Variants in CD276 observed in about 807,000 individuals in gnomAD.
The protein encoded by CD276 is CD276 antigen.
In CD276, 34 loss-of-function variants were observed where a neutral mutation model predicts 50.0. The ratio of observed to expected loss-of-function variants is 0.68; its 90% CI spans 0.52 to 0.91. The LOEUF (loss-of-function observed/expected upper bound fraction) is 0.91, where lower values mean the gene tolerates loss of function less well. Among genes scored for constraint, CD276 ranks in the 40% least tolerant of loss-of-function variants. The pLI, the probability that CD276 is intolerant of heterozygous loss-of-function variation, is 0.00. For missense variants in CD276, 634 were observed against 717.5 expected (o/e 0.88, Z 1.33); for synonymous variants, 275 against 313.0 (o/e 0.88, Z 1.28).
rs370507291 is a variant in CD276, at chr15:73,702,327, C to T, written c.152C>T (p.Ser51Phe). Residue 51 changes from serine (S) to phenylalanine (F), a missense_variant, in exon 3 of 10, where the codon TCC (serine) becomes TTC (phenylalanine). Ser to Phe is a radical substitution (Grantham distance 155). Transcript: ENST00000318443. Reference protein sequence around the residue: ...LVGTDATLCCSFSPEPGFSLA... With the variant: ...LVGTDATLCCFFSPEPGFSLA... ...GGCACCGATGCCACCCTGTGCTGCT[C>T]CTTCTCCCCTGAGCCTGGCTTCAGC... 53 of 1,613,528 alleles carry T rather than the reference C, an allele frequency of 3.3e-5. No individual in the cohort carries two copies. The highest frequency in any genetic ancestry group is 2.5e-4 in the African/African-American group (19 of 75,058).
At chr15:73,690,314 G>T (rs138596346) in intron 1 of CD276, among the ~76,000 whole-genome samples, 1 of 152,208 alleles carries the variant, frequency 6.6e-6, no homozygotes, top group African/African-American at 2.4e-5. Flanking sequence ...CAGACTGGGT[G>T]CAATGAATGA....
Position 73,702,637 on chromosome 15 carries a change from A to G in CD276, c.418+44A>G, listed in dbSNP as rs373130843. On this transcript the variant is annotated intron_variant, in intron 3 of 9. Transcript: ENST00000318443. The stretch of plus-strand genomic sequence containing the variant: ...ACGCCTTCCCCTTAGTTCACCCTCC[A>G]TTCCCCCTGCAGCCCACCCCCTGCT... 6 of 1,575,356 alleles carry G rather than the reference A, an allele frequency of 3.8e-6. No individual in the cohort carries two copies. The African/African-American group carries it at 6.7e-5, about 18-fold the overall frequency.
Position 73,708,320 on chromosome 15 carries a change from T to C in CD276, c.1370-19T>C. On this transcript the variant is annotated intron_variant, in intron 6 of 9. Transcript: ENST00000318443. Reference sequence around the variant, plus strand: ...GGGGCCAGGCATGACAGTCTCACTGTTGCTACTTTTCCTCTCAGGGCAGCC... The same window carrying C: ...GGGGCCAGGCATGACAGTCTCACTGCTGCTACTTTTCCTCTCAGGGCAGCC... 1 of 1,612,842 alleles carries C rather than the reference T, an allele frequency of 6.2e-7. No individual in the cohort carries two copies. Among genetic ancestry groups the C allele is most frequent in the Non-Finnish European group, 8.5e-7 (1 of 1,179,478 alleles).
intron 9 of CD276, chr15:73,711,793 A>C (rs1900913437): frequency 6.5e-6 from 1 of 152,804 alleles, no homozygotes; most frequent in African/African-American, 2.4e-5. Context: ...AATACAGGAG[A>C]TAGGTCATTT....
intron 1 of CD276, among the ~76,000 whole-genome samples, chr15:73,688,339 C>A (rs551476947): frequency 6.6e-6 from 1 of 152,226 alleles, no homozygotes; most frequent in South Asian, 2.1e-4. Context: ...GTACTGGGCA[C>A]TTTCCTAAGT....
chr15:73,684,797 C>G (rs1196860814), intron 1 of CD276: 2 of 152,404 alleles, frequency 1.3e-5, no homozygotes, highest in Non-Finnish European at 2.9e-5. Flanking sequence ...CGGACCGGGC[C>G]GGGTGGGTGA....
rs1196395901 is a variant in CD276 at position 73,704,115 on chromosome 15, T to C, written c.1073-61T>C. The C allele has an allele frequency of 2.5e-6, 4 of 1,579,828 alleles. No individual in the cohort carries two copies. Among genetic ancestry groups the C allele is most frequent in the South Asian group, 1.2e-5 (1 of 86,016 alleles). On this transcript the variant is annotated intron_variant, in intron 5 of 9. Transcript: ENST00000318443. This position sits in a 1 kb window ranked among gnomAD's most constrained non-coding sequence, Gnocchi z 4.1. ...GTGCTGATTCCTGTACTCAGCCCCATGCATCCTTTTCCTCCCCTGCCATTG... is the reference window on the plus strand; with the variant it reads ...GTGCTGATTCCTGTACTCAGCCCCACGCATCCTTTTCCTCCCCTGCCATTG...
At position 73,708,385 on chromosome 15, in the gene CD276, GC is replaced by G. The variant is rs1567022980; in HGVS notation, c.1417del (p.Leu473CysfsTer48). 1 of 1,614,174 alleles carries G rather than the reference GC, an allele frequency of 6.2e-7. No homozygotes were observed. The highest frequency in any genetic ancestry group is 1.1e-5 in the South Asian group (1 of 91,086). ...PPEALWVTVG[L>X]SVCLIALLVA... ...CAGAGGCCCTGTGGGTGACCGTGGG[GC>G]TGTCTGTCTGTCTCATTGCACTGCT... On this transcript the variant is annotated frameshift_variant, in exon 7 of 10. Transcript: ENST00000318443. LOFTEE classifies it high-confidence loss of function.
intron 8 of CD276, 139 bp downstream of exon 8, chr15:73,709,828 C>A: frequency 1.3e-6 from 1 of 754,972 alleles, no homozygotes; most frequent in Non-Finnish European, 2.1e-6. Context: ...ACCTCCCCAC[C>A]CCGGTGAGTC....
Position 73,708,385 on chromosome 15 carries a change from GCTGT to G in CD276, c.1427_1430del (p.Cys476SerfsTer44), listed in dbSNP as rs568647279. 9.4e-5 allele frequency: 152 copies of G among 1,614,174 alleles called. No homozygotes were observed. The highest frequency in any genetic ancestry group is 4.2e-4 in the Admixed American group (25 of 60,032). ...CAGAGGCCCTGTGGGTGACCGTGGG[GCTGT>G]CTGTCTGTCTCATTGCACTGCTGGT... On this transcript the variant is annotated frameshift_variant, in exon 7 of 10. Transcript: ENST00000318443. LOFTEE classifies it high-confidence loss of function.
rs1326617546 is a variant in CD276 at position 73,704,597 on chromosome 15, G to A, written c.1369+125G>A. 4.7e-6 allele frequency: 6 copies of A among 1,267,280 alleles called. No homozygotes were observed. The East Asian group carries it at 1.0e-4, about 21-fold the overall frequency. The allele number at this position is 1,267,280 out of a possible 1,614,324, so 78.5% of individuals were successfully genotyped here. On this transcript the variant is annotated intron_variant, in intron 6 of 9. Transcript: ENST00000318443. The surrounding 1 kb of genome is among the most constrained non-coding windows in gnomAD (Gnocchi z 4.1). ...TTCAAAATCCCTTTCATAGACTTCAGGTGCTCACACTCTTCCCCACAAGTC... is the reference window on the plus strand; with the variant it reads ...TTCAAAATCCCTTTCATAGACTTCAAGTGCTCACACTCTTCCCCACAAGTC...
chr15:73,684,488 C>T (rs1005721181), intron 1 of CD276, 28 bp downstream of exon 1: 2 of 153,080 alleles, frequency 1.3e-5, no homozygotes, highest in African/African-American at 2.4e-5. Context: ...GCGGGCGGCG[C>T]GGGGTGGGGC....
intron 7 of CD276, 149 bp from the exon 8 acceptor site, chr15:73,709,499 G>T: frequency 1.3e-6 from 1 of 749,270 alleles, no homozygotes; most frequent in Non-Finnish European, 2.3e-6. Flanking sequence ...CTCTGCTCTC[G>T]GGCTCTAACC....
chr15:73,699,644 T>G lies in CD276; in HGVS notation c.5T>G (p.Leu2Arg). 1.9e-6 allele frequency: 3 copies of G among 1,613,844 alleles called. No homozygotes were observed. The highest frequency in any genetic ancestry group is 3.3e-5 in the Admixed American group (2 of 59,998). ...TGTCAGCCGCCTCACAGGAAGATGC[T>G]GCGTCGGCGGGGCAGCCCTGGCATG... M[L>R]RRRGSPGMGV... The change falls in exon 2 of 10, where the codon CTG becomes CGG. Residue 2 changes from leucine to arginine, a missense_variant. Physicochemically the swap from Leu to Arg is moderately radical, Grantham distance 102. Coordinates refer to ENST00000318443, the MANE Select transcript of CD276 (RefSeq NM_001024736.2).
chr15:73,709,612 A>G, intron 7 of CD276, 36 bp from the exon 8 acceptor site: 1 of 1,611,180 alleles, frequency 6.2e-7, no homozygotes, highest in Non-Finnish European at 8.5e-7. Context: ...GGGCTTGCAA[A>G]AGATTTTTGT....
chr15:73,708,125 C>T (rs77855866), intron 6 of CD276, among the ~76,000 whole-genome samples: 3,633 of 152,278 alleles, frequency 0.024, 157 homozygotes, highest in African/African-American at 0.083. Flanking sequence ...GCTCTTCAGC[C>T]CTTCCTGGTT....
chr15:73,698,285 A>G (rs1010281329), intron 1 of CD276, among the ~76,000 whole-genome samples: 18 of 152,172 alleles, frequency 1.2e-4, no homozygotes, highest in African/African-American at 4.1e-4. Context: ...TCCCACACTC[A>G]TACACCTAGT....
chr15:73,709,831 G>C lies in CD276; in HGVS notation c.1546+142G>C, dbSNP rs1225824420. 3 of 746,980 alleles carry C rather than the reference G, an allele frequency of 4.0e-6. No homozygotes were observed. The Admixed American group carries it at 9.5e-5, about 24-fold the overall frequency. The allele number at this position is 746,980 out of a possible 1,614,324, so 46.3% of individuals were successfully genotyped here. ...CTGTGGACTCAGACCTCCCCACCCC[G>C]GTGAGTCTGCTCTTTGCCCAGAGTT... On this transcript the variant is annotated intron_variant, in intron 8 of 9. Coordinates refer to ENST00000318443, the MANE Select transcript of CD276 (RefSeq NM_001024736.2).
At chr15:73,699,032 C>T (rs926070513) in intron 1 of CD276, among the ~76,000 whole-genome samples, 1 of 152,176 alleles carries the variant, frequency 6.6e-6, no homozygotes, top group African/African-American at 2.4e-5. Context: ...CTCTCAAAGC[C>T]CTGCTTGATC....
Sources: gnomAD v4.1 joint callset for allele counts (sites outside exome capture counted in the v4.1 genomes callset) on GRCh38, gnomAD v4.1.1 for gene constraint, Gnocchi (gnomAD v3.1) non-coding constraint, MANE v1.5 for transcripts, NCBI Gene and HGNC (gene_info 2026-07-23, HGNC 2026-07-21) for gene names.